Variants in ZNF232 observed in about 807,000 individuals in gnomAD.
The protein encoded by ZNF232 is zinc finger protein 232.
In ZNF232, 25 loss-of-function variants were observed where a neutral mutation model predicts 25.2. That is an observed-to-expected ratio of 0.99 (90% CI 0.72 to 1.39). The LOEUF is 1.39. Ranked by LOEUF, ZNF232 falls within the 40% of genes most tolerant of loss-of-function variation. ZNF232 has a pLI of 0.00. For missense variants in ZNF232, 519 were observed against 520.9 expected (o/e 1.00, Z 0.04); for synonymous variants, 193 against 182.9 (o/e 1.06, Z -0.45).
chr17:5,111,765 A>C (rs1446894428), intron 1 of ZNF232, 35 bp downstream of exon 1: 28 of 1,613,492 alleles, frequency 1.7e-5, no homozygotes, highest in Non-Finnish European at 2.4e-5. Context: ...CCAAGCCGCC[A>C]GGTGGACCTC....
upstream of ZNF232, chr17:5,111,914 A>C (rs1204005613): frequency 6.5e-7 from 1 of 1,545,454 alleles, no homozygotes; most frequent in Admixed American, 1.9e-5. Flanking sequence ...TCCAACTCCC[A>C]GAATCCTCCT....
intron 1 of ZNF232, among the ~76,000 whole-genome samples, chr17:5,110,854 C>T (rs1382875745): frequency 6.6e-6 from 1 of 152,034 alleles, no homozygotes; most frequent in Non-Finnish European, 1.5e-5. Flanking sequence ...GCACTTTTAC[C>T]AAAGAGGGTT....
At position 5,109,858 on chromosome 17, in the gene ZNF232, G is replaced by A; in HGVS notation, c.34C>T (p.Gln12Ter). Residue 12 changes from glutamine to a stop codon, truncating the protein, a stop_gained, in exon 2 of 4, where the codon CAA (glutamine) becomes TAA (stop). Coordinates refer to ENST00000575898, the Ensembl canonical transcript of ZNF232. LOFTEE classifies it high-confidence loss of function. ...GAAGGCTCATACCAGCTGGAATCTT[G>A]CAAGGGCCCCCTGTAACATAAGAAG... 3 of 1,604,824 alleles carry A rather than the reference G, an allele frequency of 1.9e-6. No individual in the cohort carries two copies. Among genetic ancestry groups the A allele is most frequent in the South Asian group, 2.2e-5 (2 of 89,544 alleles).
intron 3 of ZNF232, chr17:5,108,700 T>G (rs997460882): frequency 1.9e-6 from 1 of 532,088 alleles, no homozygotes; most frequent in Non-Finnish European, 3.1e-6. Flanking sequence ...AAGACCCAAG[T>G]TGAGCTTAAT....
rs771990280 is a variant in ZNF232 at position 5,109,675 on chromosome 17, TAG to T, written c.215_216del (p.Ser72TyrfsTer34). On this transcript the variant is annotated frameshift_variant, in exon 2 of 4. Coordinates refer to ENST00000575898, the Ensembl canonical transcript of ZNF232. LOFTEE classifies it high-confidence loss of function. ...CGTTGGCGGAAGATCTCTTGACTGGTAGAGTGGTTCCCAGGTAGCCTGGTCTC... is the reference window on the plus strand; with the variant it reads ...CGTTGGCGGAAGATCTCTTGACTGGTAGTGGTTCCCAGGTAGCCTGGTCTC... The T allele has an allele frequency of 6.2e-7, 1 of 1,614,202 alleles. No individual in the cohort carries two copies. The highest frequency in any genetic ancestry group is 2.2e-5 in the East Asian group (1 of 44,886).
Position 5,109,398 on chromosome 17 carries a change from G to A in ZNF232, c.494C>T (p.Pro165Leu), listed in dbSNP as rs754896531. 1.4e-5 allele frequency: 22 copies of A among 1,613,908 alleles called. No individual in the cohort carries two copies. The highest frequency in any genetic ancestry group is 1.6e-5 in the Non-Finnish European group (19 of 1,180,012). Reference sequence around the variant, plus strand: ...AGACCAAATCCCCCTTCCCACCTGCGGCTCTGGTTCAAGTCCTTTCTCTAA... The same window carrying A: ...AGACCAAATCCCCCTTCCCACCTGCAGCTCTGGTTCAAGTCCTTTCTCTAA... Residue 165 changes from proline to leucine, a missense_variant, in exon 2 of 4, where the codon CCG (proline) becomes CTG (leucine). Pro to Leu is a moderately conservative substitution (Grantham distance 98). Transcript: ENST00000575898.
intron 1 of ZNF232, 72 bp downstream of exon 1, chr17:5,111,728 C>T (rs1296601032): frequency 1.2e-6 from 2 of 1,610,828 alleles, no homozygotes; most frequent in East Asian, 2.2e-5. Context: ...ACTGCAGAGC[C>T]GCCGCTGCCT....
At chr17:5,120,547 T>C in intron 1 of ZNF232, 1 of 352,100 alleles carries the variant, frequency 2.8e-6, no homozygotes, top group East Asian at 7.6e-5. Flanking sequence ...TGCACCTGTC[T>C]CTCCGAGGGA....
intron 1 of ZNF232, among the ~76,000 whole-genome samples, chr17:5,116,986 CAG>C (rs2143679970): frequency 6.6e-6 from 1 of 152,314 alleles, no homozygotes; most frequent in East Asian, 1.9e-4. Flanking sequence ...TGGGGAACTG[CAG>C]AGAGTTCATG....
intron 1 of ZNF232, among the ~76,000 whole-genome samples, chr17:5,119,506 C>T (rs1418103621): frequency 6.6e-6 from 1 of 152,198 alleles, no homozygotes; most frequent in Non-Finnish European, 1.5e-5. Context: ...GCAAGCGAGG[C>T]TGGGGCCCAG....
intron 1 of ZNF232, chr17:5,118,150 GCT>G (rs1467317723): frequency 1.3e-5 from 2 of 151,990 alleles, no homozygotes; most frequent in African/African-American, 4.8e-5. Context: ...ATAGTCATGT[GCT>G]CTCTCCCTCA....
At chr17:5,116,814 A>C (rs1354054998), upstream of ZNF232, 1 of 152,270 alleles carries the variant, frequency 6.6e-6, no homozygotes, top group African/African-American at 2.4e-5. Context: ...AGTTGCACTC[A>C]CTGAGGTAAA....
intron 3 of ZNF232, 30 bp downstream of exon 3, chr17:5,108,896 T>C: frequency 6.2e-7 from 1 of 1,613,482 alleles, no homozygotes; most frequent in Non-Finnish European, 8.5e-7. Context: ...CTCTTTCTCC[T>C]CTCCCTCCCC....
At chr17:5,119,189 G>A (rs1446611502) in intron 1 of ZNF232, among the ~76,000 whole-genome samples, 1 of 152,138 alleles carries the variant, frequency 6.6e-6, no homozygotes, top group East Asian at 1.9e-4. Flanking sequence ...CTTTTTCTCA[G>A]TTTTGGTCCT....
intron 1 of ZNF232, 139 bp downstream of exon 1, chr17:5,111,661 C>A (rs2072414365): frequency 1.5e-6 from 2 of 1,347,350 alleles, no homozygotes; most frequent in African/African-American, 2.9e-5. Flanking sequence ...GCGGGCACCA[C>A]GGGCAACCCA....
chr17:5,112,006 G>T (rs578013345), upstream of ZNF232: 5 of 872,476 alleles, frequency 5.7e-6, no homozygotes, highest in South Asian at 9.0e-5. Context: ...CCGGTTCCTG[G>T]ACTTGAGCGG....
chr17:5,115,542 C>T (rs1409797811), upstream of ZNF232, among the ~76,000 whole-genome samples: 1 of 94,430 alleles, frequency 1.1e-5, no homozygotes, highest in Non-Finnish European at 2.0e-5. Context: ...CAGAGCAAGA[C>T]TCCGTCTCCA....
intron 3 of ZNF232, among the ~76,000 whole-genome samples, chr17:5,107,666 G>A (rs1252822110): frequency 1.3e-5 from 2 of 151,180 alleles, no homozygotes; most frequent in Non-Finnish European, 2.9e-5. Flanking sequence ...AGCCTCCCCA[G>A]TAGCTGGGAT....
chr17:5,105,798 T>C (rs1198643049), exon 4 of ZNF232: 1 of 1,530,028 alleles, frequency 6.5e-7, no homozygotes, highest in African/African-American at 1.4e-5. Flanking sequence ...TGTAGAATTC[T>C]GTCTGGAGAC....
Sources: allele counts gnomAD v4.1 joint callset (sites outside exome capture counted in the v4.1 genomes callset), GRCh38; gene constraint gnomAD v4.1.1; transcripts MANE v1.5; gene names NCBI Gene and HGNC (gene_info 2026-07-23, HGNC 2026-07-21).